The following TPRG1 variants were observed in gnomAD, a reference collection of about 807,000 sequenced individuals.
TPRG1 encodes the protein tumor protein p63 regulated 1.
TPRG1 carries 29 observed loss-of-function variants against 29.3 expected under a neutral mutation model. The ratio of observed to expected loss-of-function variants is 0.99; its 90% CI spans 0.74 to 1.35. The LOEUF is 1.35. TPRG1 is among the 40% of genes most tolerant of loss of function. The pLI is 0.00. For missense variants in TPRG1, 327 were observed against 335.0 expected (o/e 0.98, Z 0.19); for synonymous variants, 130 against 116.8 (o/e 1.11, Z -0.73).
At chr3:189,204,630 C>A (rs910233342) in intron 1 of TPRG1, among the ~76,000 whole-genome samples, 1 of 152,130 alleles carries the variant, frequency 6.6e-6, no homozygotes, top group African/African-American at 2.4e-5. Flanking sequence ...GAGAAGACAG[C>A]CTGAGGGAGA....
At chr3:189,216,847 C>A (rs531210160) in intron 3 of TPRG1, among the ~76,000 whole-genome samples, 59 of 152,296 alleles carry the variant, frequency 3.9e-4, no homozygotes, top group Middle Eastern at 3.4e-3. Context: ...TTGACTTCTG[C>A]AAATGAATAT....
chr3:189,272,665 T>TCTTCCTTCCTTTCTTTC (rs1286616672), intron 4 of TPRG1, among the ~76,000 whole-genome samples: 3 of 149,024 alleles, frequency 2.0e-5, no homozygotes, highest in Admixed American at 6.6e-5. Flanking sequence ...TTCGTTTCTT[T>TCTTCCTTCCTTTCTTTC]CTTCCTTCCT....
In TPRG1 at chr3:189,321,571, T is replaced by C. The variant is rs979875180; in HGVS notation, c.*751T>C. ...CATGTATTCCTCCTTTCCATTCTTA[T>C]AGCTGTATTATTAGATCAGGTTTTT... is the stretch of plus-strand genomic sequence containing the variant. On this transcript the variant is annotated 3_prime_UTR_variant, in exon 6 of 6. Transcript: ENST00000345063. 7 of 152,100 alleles carry C rather than the reference T, an allele frequency of 4.6e-5. No homozygotes were observed. Among genetic ancestry groups the C allele is most frequent in the Admixed American group, 3.3e-4 (5 of 15,244 alleles). 9.4% of individuals were successfully genotyped at this position (152,100 alleles called of 1,614,324 possible).
At chr3:189,023,560 T>C (rs1328491368) in intron 3 of TPRG1, among the ~76,000 whole-genome samples, 1 of 152,202 alleles carries the variant, frequency 6.6e-6, no homozygotes, top group African/African-American at 2.4e-5. Context: ...GTTGCAGTCA[T>C]TTGGAGGAAA....
upstream of TPRG1, among the ~76,000 whole-genome samples, chr3:189,166,975 C>T (rs973083810): frequency 1.3e-5 from 2 of 152,094 alleles, no homozygotes; most frequent in African/African-American, 2.4e-5. Flanking sequence ...GATGCAGAAA[C>T]GGGGAGATAA....
intron 3 of TPRG1, among the ~76,000 whole-genome samples, chr3:189,146,732 G>C (rs12490074): frequency 0.34 from 51,938 of 151,908 alleles, 9,118 homozygotes; most frequent in Admixed American, 0.45. Flanking sequence ...CTAAATAAAT[G>C]CTAATAAATA....
At chr3:189,283,426 G>C (rs958065429) in intron 4 of TPRG1, among the ~76,000 whole-genome samples, 1 of 152,130 alleles carries the variant, frequency 6.6e-6, no homozygotes, top group African/African-American at 2.4e-5. Flanking sequence ...ATCAGTAATA[G>C]AAATTAAGAA....
chr3:189,113,872 A>G (rs1194771237), intron 1 of TPRG1, among the ~76,000 whole-genome samples: 3 of 151,992 alleles, frequency 2.0e-5, no homozygotes, highest in African/African-American at 7.3e-5. Context: ...TACATATGTA[A>G]CTAACCTGCA....
intron 3 of TPRG1, among the ~76,000 whole-genome samples, chr3:189,135,726 T>C (rs564054247): frequency 2.6e-5 from 4 of 152,338 alleles, no homozygotes; most frequent in African/African-American, 9.6e-5. Flanking sequence ...CATCTTTTTT[T>C]CCTCAGAGCA....
chr3:189,283,131 A>T (rs1454209735), intron 4 of TPRG1, among the ~76,000 whole-genome samples: 1 of 152,212 alleles, frequency 6.6e-6, no homozygotes, highest in African/African-American at 2.4e-5. Flanking sequence ...CGTAGCCCAT[A>T]ATTTAAATTA....
In TPRG1 at chr3:189,122,622, ACCCTG is replaced by A. The variant is rs1721961379; in HGVS notation, c.-743-4434_-743-4430del. On this transcript the variant is annotated intron_variant, in intron 1 of 6. Transcript: ENST00000412373. ...GAAAACTTACAGATCATCTAGTCCAACCCTGTCCTTTTATCGTTGTGAAACAAAAG... is the reference window on the plus strand; with the variant it reads ...GAAAACTTACAGATCATCTAGTCCAATCCTTTTATCGTTGTGAAACAAAAG... Among the ~76,000 whole-genome samples the A allele has an allele frequency of 2.6e-5, 4 of 152,338 alleles. No individual in the cohort carries two copies. The South Asian group carries it at 8.3e-4, about 32-fold the overall frequency.
chr3:189,046,145 A>C (rs1026825945), intron 4 of TPRG1, among the ~76,000 whole-genome samples: 2 of 152,246 alleles, frequency 1.3e-5, no homozygotes, highest in Non-Finnish European at 2.9e-5. Context: ...GGGGAAACCA[A>C]GGAAAAACCC....
intron 4 of TPRG1, among the ~76,000 whole-genome samples, chr3:189,026,348 C>G (rs1046392767): frequency 1.3e-5 from 2 of 152,138 alleles, no homozygotes; most frequent in African/African-American, 4.8e-5. Flanking sequence ...GATTAGGGAG[C>G]CAGCCTTCAG....
intron 3 of TPRG1, among the ~76,000 whole-genome samples, chr3:189,006,047 T>A (rs982735431): frequency 6.6e-5 from 10 of 152,044 alleles, no homozygotes; most frequent in Admixed American, 6.6e-4. Context: ...AATTCCTAAC[T>A]CTCAAAATAA....
At chr3:189,001,604 A>C (rs563360002) in intron 2 of TPRG1, among the ~76,000 whole-genome samples, 4 of 152,158 alleles carry the variant, frequency 2.6e-5, no homozygotes, top group Non-Finnish European at 5.9e-5. Flanking sequence ...ACCTCTTAAT[A>C]TCATCACTTT....
intron 3 of TPRG1, 61 bp downstream of exon 3, chr3:189,215,444 T>A: frequency 7.4e-7 from 1 of 1,344,890 alleles, no homozygotes; most frequent in Non-Finnish European, 1.1e-6. Context: ...GACATCACTG[T>A]AGCAGAATAG....
At chr3:189,094,260 T>C (rs977418280) in intron 4 of TPRG1, among the ~76,000 whole-genome samples, 2 of 151,978 alleles carry the variant, frequency 1.3e-5, no homozygotes, top group African/African-American at 4.8e-5. Flanking sequence ...TCAGCCTGAG[T>C]AAGTGGAGTA....
intron 4 of TPRG1, among the ~76,000 whole-genome samples, chr3:189,089,309 C>T (rs1380556709): frequency 6.6e-6 from 1 of 152,142 alleles, no homozygotes; most frequent in African/African-American, 2.4e-5. Flanking sequence ...ACTGGCTATT[C>T]TGGTTTTTCA....
chr3:189,245,521 C>G (rs1397908311), intron 4 of TPRG1, among the ~76,000 whole-genome samples: 1 of 151,974 alleles, frequency 6.6e-6, no homozygotes, highest in African/African-American at 2.4e-5. Context: ...TTATAGATAT[C>G]TTAATTATAC....
Sources: allele counts gnomAD v4.1 joint callset (sites outside exome capture counted in the v4.1 genomes callset), GRCh38; gene constraint gnomAD v4.1.1; transcripts MANE v1.5; gene names NCBI Gene and HGNC (gene_info 2026-07-23, HGNC 2026-07-21).